The following PTCSC3 variants were observed in gnomAD, a reference collection of about 807,000 sequenced individuals.
PTCSC3 encodes the protein papillary thyroid carcinoma susceptibility candidate 3.
intron 3 of PTCSC3, among the ~76,000 whole-genome samples, chr14:36,147,845 G>A (rs1439680914): frequency 6.6e-6 from 1 of 151,794 alleles, no homozygotes; most frequent in Non-Finnish European, 1.5e-5. Flanking sequence ...TTTTTGGTGT[G>A]GAAGTCCTTT....
chr14:36,149,754 T>A (rs1175915582), intron 3 of PTCSC3, among the ~76,000 whole-genome samples: 2 of 152,236 alleles, frequency 1.3e-5, no homozygotes, highest in Admixed American at 6.5e-5. Flanking sequence ...TTCTGCTTTA[T>A]CTGAAATCAA....
At chr14:36,164,606 C>T (rs1882047083) in intron 1 of PTCSC3, among the ~76,000 whole-genome samples, 1 of 151,660 alleles carries the variant, frequency 6.6e-6, no homozygotes, top group African/African-American at 2.4e-5. Flanking sequence ...TTTTATAAAA[C>T]AACTATCCGT....
At chr14:36,149,055 C>T (rs983355742) in intron 3 of PTCSC3, among the ~76,000 whole-genome samples, 20 of 151,698 alleles carry the variant, frequency 1.3e-4, no homozygotes, top group African/African-American at 4.8e-4. Context: ...GGTTATATAA[C>T]TCTTTCTCTA....
chr14:36,173,252 T>C (rs1044683057), intron 1 of PTCSC3, among the ~76,000 whole-genome samples: 1 of 152,138 alleles, frequency 6.6e-6, no homozygotes, highest in Non-Finnish European at 1.5e-5. Flanking sequence ...ATTTAAAGTA[T>C]ATAGAAGAAT....
Position 36,160,194 on chromosome 14 carries a change from T to C in PTCSC3, n.231+2430A>G, listed in dbSNP as rs181652672. On this transcript the variant is annotated intron_variant and non_coding_transcript_variant, in intron 2 of 3. Coordinates refer to ENST00000556013, the Ensembl canonical transcript of PTCSC3. ...ACTCTTTATCCAATTTGCCAGTCTG[T>C]GTCTTTTAATTGGGGCATTTAGTCC... is the stretch of plus-strand genomic sequence containing the variant. Among the ~76,000 whole-genome samples, 353 of 152,352 alleles carry C rather than the reference T, an allele frequency of 2.3e-3. 3 individuals are homozygous for C. Among genetic ancestry groups the C allele is most frequent in the Admixed American group, 8.5e-3 (130 of 15,298 alleles).
intron 3 of PTCSC3, among the ~76,000 whole-genome samples, chr14:36,143,432 GT>G (rs1881474962): frequency 7.7e-6 from 1 of 130,630 alleles, no homozygotes; most frequent in African/African-American, 2.9e-5. Flanking sequence ...TTTTTCATGT[GT>G]TTTTTGGCTG....
chr14:36,166,330 A>G (rs1882086415), intron 1 of PTCSC3, among the ~76,000 whole-genome samples: 1 of 152,232 alleles, frequency 6.6e-6, no homozygotes, highest in African/African-American at 2.4e-5. Context: ...TTCCTAGCAG[A>G]GTGAAATATG....
intron 3 of PTCSC3, among the ~76,000 whole-genome samples, chr14:36,146,222 A>G (rs1315861448): frequency 7.6e-5 from 11 of 144,004 alleles, no homozygotes; most frequent in Admixed American, 3.4e-4. Flanking sequence ...ATCCTTGTTA[A>G]CTTTCTGTCT....
chr14:36,175,079 G>A (rs1019254461), intron 1 of PTCSC3, among the ~76,000 whole-genome samples: 3 of 152,086 alleles, frequency 2.0e-5, no homozygotes, highest in Non-Finnish European at 4.4e-5. Context: ...GGATTCTGGG[G>A]TCCTCTCTCT....
chr14:36,142,654 C>CTT (rs540686041), intron 3 of PTCSC3, among the ~76,000 whole-genome samples: 36 of 144,196 alleles, frequency 2.5e-4, no homozygotes, highest in African/African-American at 8.1e-4. Flanking sequence ...CATTCAATTT[C>CTT]TTTTTTTTTT....
intron 1 of PTCSC3, among the ~76,000 whole-genome samples, chr14:36,173,864 G>A (rs936274045): frequency 6.6e-6 from 1 of 152,070 alleles, no homozygotes; most frequent in African/African-American, 2.4e-5. Context: ...ATATAAAACT[G>A]AGATGACAGT....
intron 3 of PTCSC3, among the ~76,000 whole-genome samples, chr14:36,145,269 G>T (rs369583914): frequency 6.7e-6 from 1 of 150,282 alleles, no homozygotes; most frequent in East Asian, 1.9e-4. Context: ...GGTAGAATTC[G>T]GCTGTGAATC....
intron 1 of PTCSC3, among the ~76,000 whole-genome samples, chr14:36,174,823 T>C (rs1453557225): frequency 6.6e-6 from 1 of 152,210 alleles, no homozygotes; most frequent in Non-Finnish European, 1.5e-5. Context: ...TCCTAATATG[T>C]GCACTTTGTG....
chr14:36,170,450 C>T lies in PTCSC3; in HGVS notation n.171+5848G>A, dbSNP rs80247407. On this transcript the variant is annotated intron_variant and non_coding_transcript_variant, in intron 1 of 3. Transcript: ENST00000556013. ...TTGGTTTTGACATTCCTTAAATATA[C>T]CCTACTCCTACTGTACTATATACCA... Among the ~76,000 whole-genome samples the T allele has an allele frequency of 1.9e-4, 29 of 152,238 alleles. No homozygotes were observed. The East Asian group carries it at 2.3e-3, about 12-fold the overall frequency.
At chr14:36,139,908 T>A (rs1881380164) in intron 3 of PTCSC3, among the ~76,000 whole-genome samples, 2 of 152,202 alleles carry the variant, frequency 1.3e-5, no homozygotes, top group African/African-American at 4.8e-5. Flanking sequence ...GACAAATGCA[T>A]AATATCAGGT....
intron 3 of PTCSC3, among the ~76,000 whole-genome samples, chr14:36,148,697 A>G (rs7152964): frequency 4.0e-5 from 6 of 151,870 alleles, no homozygotes; most frequent in South Asian, 2.1e-4. Flanking sequence ...CCCCCATTCA[A>G]TTTCTTTAAT....
At chr14:36,154,763 A>G (rs182813677) in intron 2 of PTCSC3, among the ~76,000 whole-genome samples, 2 of 152,276 alleles carry the variant, frequency 1.3e-5, no homozygotes, top group Admixed American at 1.3e-4. Flanking sequence ...GAGCTGGGGA[A>G]GTTCAGTTTT....
chr14:36,150,624 T>TAAC (rs1881700095), intron 3 of PTCSC3, among the ~76,000 whole-genome samples: 1 of 152,224 alleles, frequency 6.6e-6, no homozygotes, highest in Non-Finnish European at 1.5e-5. Context: ...TCCCTTTTTC[T>TAAC]AACTTCTTTG....
chr14:36,148,180 G>T (rs1001605708), intron 3 of PTCSC3, among the ~76,000 whole-genome samples: 26 of 152,124 alleles, frequency 1.7e-4, no homozygotes, highest in African/African-American at 6.3e-4. Flanking sequence ...TTGAGCTGTG[G>T]TGGGCTCCAC....
Sources: gnomAD v4.1 joint callset for allele counts (sites outside exome capture counted in the v4.1 genomes callset) on GRCh38, gnomAD v4.1.1 for gene constraint, MANE v1.5 for transcripts, NCBI Gene and HGNC (gene_info 2026-07-23, HGNC 2026-07-21) for gene names.